The following FMNL2 variants were observed in gnomAD, a reference collection of about 807,000 sequenced individuals.
The protein encoded by FMNL2 is formin-like protein 2.
FMNL2 carries 51 observed loss-of-function variants against 130.2 expected under a neutral mutation model. The observed-to-expected ratio is 0.39, with a 90% CI of 0.31 to 0.49. The LOEUF (loss-of-function observed/expected upper bound fraction) is 0.49. Ranked by LOEUF, FMNL2 falls within the 20% of genes least tolerant of loss-of-function variation. The probability of loss-of-function intolerance (pLI) is 0.85; values close to 1 mark genes in which losing one functional copy is unlikely to be tolerated. For missense variants in FMNL2, 977 were observed against 1,316.2 expected (o/e 0.74, Z 3.99); for synonymous variants, 465 against 467.1 (o/e 1.00, Z 0.06).
chr2:152,573,154 A>G (rs954392475), intron 6 of FMNL2, among the ~76,000 whole-genome samples: 1 of 152,232 alleles, frequency 6.6e-6, no homozygotes, highest in Non-Finnish European at 1.5e-5. Context: ...TAAAGATTTA[A>G]AAAGAGAAAC....
At chr2:152,342,518 T>C (rs569842569) in intron 1 of FMNL2, among the ~76,000 whole-genome samples, 102 of 152,282 alleles carry the variant, frequency 6.7e-4, no homozygotes, top group African/African-American at 2.3e-3. Flanking sequence ...GGAGTCATGG[T>C]TCCTTAGAGA....
intron 1 of FMNL2, among the ~76,000 whole-genome samples, chr2:152,347,206 G>T (rs1335560903): frequency 6.6e-6 from 1 of 152,082 alleles, no homozygotes; most frequent in African/African-American, 2.4e-5. Context: ...TTGGCTTCTG[G>T]TCTCCCAGCC....
intron 1 of FMNL2, chr2:152,390,151 A>G: frequency 4.0e-6 from 5 of 1,254,142 alleles, no homozygotes; most frequent in South Asian, 1.2e-5. Flanking sequence ...GACCTGCCCA[A>G]TTACTGCTGG....
chr2:152,628,424 A>G lies in FMNL2; in HGVS notation c.2291A>G (p.Asp764Gly), dbSNP rs1232944467. 2 of 1,613,954 alleles carry G rather than the reference A, an allele frequency of 1.2e-6. No homozygotes were observed. The highest frequency in any genetic ancestry group is 1.3e-5 in the African/African-American group (1 of 74,946). The change falls in exon 18 of 26, where the codon GAT (aspartate) becomes GGT (glycine). Residue 764 changes from aspartate (D) to glycine (G), a missense_variant. Asp to Gly is a moderately conservative substitution (Grantham distance 94). Around this residue, in one of 4 missense-constraint regions of FMNL2, gnomAD observed 689 missense variants for 995.9 expected, o/e 0.69. Transcript: ENST00000288670. The part of the protein sequence containing the change: ...RERKPLENLS[D>G]EDRFMMQFSK... Reference sequence around the variant, plus strand: ...AGGAAGCCTCTGGAAAACTTGTCAGATGAAGATCGGTTCATGATGCAGTTT... The same window carrying G: ...AGGAAGCCTCTGGAAAACTTGTCAGGTGAAGATCGGTTCATGATGCAGTTT...
At chr2:152,382,762 A>G (rs1395802415) in intron 1 of FMNL2, among the ~76,000 whole-genome samples, 2 of 152,184 alleles carry the variant, frequency 1.3e-5, no homozygotes, top group Admixed American at 6.5e-5. Context: ...CACCTTTATT[A>G]TATATATAAT....
chr2:152,626,466 T>C (rs1211341476), intron 16 of FMNL2, 59 bp from the exon 17 acceptor site: 9 of 1,433,778 alleles, frequency 6.3e-6, no homozygotes, highest in Non-Finnish European at 8.6e-6. Context: ...AACTGGTGGC[T>C]TCCGGACTTC....
intron 10 of FMNL2, among the ~76,000 whole-genome samples, chr2:152,610,800 A>C (rs1580091812): frequency 6.6e-6 from 1 of 152,208 alleles, no homozygotes; most frequent in African/African-American, 2.4e-5. Context: ...TTAACTGTAT[A>C]TCTAGAAGCG....
chr2:152,335,784 C>A, intron 1 of FMNL2, 64 bp downstream of exon 1: 2 of 1,145,640 alleles, frequency 1.7e-6, no homozygotes, highest in Non-Finnish European at 1.2e-6. Flanking sequence ...CGCAGCTGAC[C>A]CCCGCCCCTC....
chr2:152,621,050 C>T (rs1244824194), intron 15 of FMNL2: 2 of 985,260 alleles, frequency 2.0e-6, no homozygotes, highest in African/African-American at 3.5e-5. Context: ...AACAAGAAAC[C>T]TCATATCAAG....
intron 1 of FMNL2, among the ~76,000 whole-genome samples, chr2:152,389,530 A>G (rs2346203): frequency 0.83 from 125,873 of 152,204 alleles, 52,334 homozygotes; most frequent in East Asian, 0.95. Context: ...TCTTCAGATA[A>G]TTAGATCTTT....
At chr2:152,350,668 A>G (rs1682427245) in intron 1 of FMNL2, among the ~76,000 whole-genome samples, 1 of 152,196 alleles carries the variant, frequency 6.6e-6, no homozygotes, top group African/African-American at 2.4e-5. Context: ...ACTTGCTACT[A>G]GCTTGTAGCT....
chr2:152,502,532 C>T (rs984033788), intron 1 of FMNL2, among the ~76,000 whole-genome samples: 15 of 152,246 alleles, frequency 9.9e-5, no homozygotes, highest in African/African-American at 3.4e-4. Flanking sequence ...ACTAAAAATA[C>T]AAAAATTAGC....
At position 152,603,506 on chromosome 2, in the gene FMNL2, A is replaced by G. The variant is rs1447132151; in HGVS notation, c.877-3833A>G. ...GAATGAGGGCTCTCTAAAGAAACACATATATTCAAGGCTCTTCTTAACATC... is the reference window on the plus strand; with the variant it reads ...GAATGAGGGCTCTCTAAAGAAACACGTATATTCAAGGCTCTTCTTAACATC... On this transcript the variant is annotated intron_variant, in intron 9 of 25. Transcript: ENST00000288670. Among the ~76,000 whole-genome samples the G allele has an allele frequency of 2.1e-5, 3 of 145,194 alleles. 1 individual carries two copies. In the East Asian group the frequency reaches 7.2e-4, roughly 35 times the overall value.
At chr2:152,485,228 C>T (rs1227520848) in intron 1 of FMNL2, among the ~76,000 whole-genome samples, 1 of 152,140 alleles carries the variant, frequency 6.6e-6, no homozygotes, top group Non-Finnish European at 1.5e-5. Flanking sequence ...CACGGTGGCT[C>T]ACGCCTGTAA....
At chr2:152,486,200 A>G (rs1690821053) in intron 1 of FMNL2, among the ~76,000 whole-genome samples, 1 of 152,220 alleles carries the variant, frequency 6.6e-6, no homozygotes, top group African/African-American at 2.4e-5. Flanking sequence ...TCTTTCTTGA[A>G]TCAGCAAAAG....
chr2:152,551,213 G>A (rs1431876951), intron 4 of FMNL2, among the ~76,000 whole-genome samples: 1 of 151,100 alleles, frequency 6.6e-6, no homozygotes. Context: ...AAATACAAAA[G>A]GAAGATGATC....
Position 152,636,457 on chromosome 2 carries a change from A to G in FMNL2, c.2711A>G (p.Lys904Arg), listed in dbSNP as rs759390249. The change falls in exon 22 of 26, where the codon AAG becomes AGG. Residue 904 changes from lysine to arginine, a missense_variant. Around this residue, in one of 4 missense-constraint regions of FMNL2, gnomAD observed 689 missense variants for 995.9 expected, o/e 0.69. Coordinates refer to ENST00000288670, the MANE Select transcript of FMNL2 (RefSeq NM_052905.4). ...VSLENVLLDVKELQRGMDLTK... is the reference protein window; with the variant it reads ...VSLENVLLDVRELQRGMDLTK... ...CTTGAGAATGTTTTGCTGGATGTCA[A>G]GGAGCTCCAGAGGGGAATGGACTTG... 2.5e-6 allele frequency: 4 copies of G among 1,612,298 alleles called. No homozygotes were observed. The highest frequency in any genetic ancestry group is 3.4e-6 in the Non-Finnish European group (4 of 1,179,182).
chr2:152,398,175 G>A (rs1242450871), intron 1 of FMNL2, among the ~76,000 whole-genome samples: 2 of 152,126 alleles, frequency 1.3e-5, no homozygotes, highest in Non-Finnish European at 2.9e-5. Context: ...TCTGGCCTGC[G>A]AACTTGCTGA....
At chr2:152,398,274 G>A (rs1685507511) in intron 1 of FMNL2, among the ~76,000 whole-genome samples, 1 of 152,204 alleles carries the variant, frequency 6.6e-6, no homozygotes. Flanking sequence ...AGTGGGCTGT[G>A]TGAAAAGAGC....
Sources: gnomAD v4.1 joint callset for allele counts (sites outside exome capture counted in the v4.1 genomes callset) on GRCh38, gnomAD v4.1.1 for gene constraint, gnomAD v4.1.1 regional missense constraint, MANE v1.5 for transcripts, NCBI Gene and HGNC (gene_info 2026-07-23, HGNC 2026-07-21) for gene names.